The following ECHS1 variants were observed in gnomAD, a reference collection of about 807,000 sequenced individuals.
ECHS1 encodes the protein enoyl-CoA hydratase, short chain 1.
In ECHS1, 19 loss-of-function variants were observed where a neutral mutation model predicts 33.5. The observed-to-expected ratio is 0.57, with a 90% CI of 0.40 to 0.83. The LOEUF is 0.83. Ranked by LOEUF, ECHS1 falls within the 40% of genes least tolerant of loss-of-function variation. The probability of loss-of-function intolerance (pLI) is 0.00; values close to 1 mark genes in which losing one functional copy is unlikely to be tolerated. For missense variants in ECHS1, 365 were observed against 381.3 expected (o/e 0.96, Z 0.36); for synonymous variants, 158 against 146.6 (o/e 1.08, Z -0.56).
At chr10:133,369,077 A>T (rs543581011) in intron 3 of ECHS1, 55 bp from the exon 4 acceptor site, 1 of 1,538,032 alleles carries the variant, frequency 6.5e-7, no homozygotes, top group South Asian at 1.1e-5. Context: ...GTCAGAAATC[A>T]CTCTGCTTGC....
chr10:133,370,220 A>G (rs780522594), intron 2 of ECHS1, among the ~76,000 whole-genome samples, 189 bp from the exon 3 acceptor site: 9 of 152,260 alleles, frequency 5.9e-5, no homozygotes, highest in Non-Finnish European at 1.2e-4. Flanking sequence ...GAAGTCACGC[A>G]GAGGGGCCCT....
rs1849125450 is a variant in ECHS1, at chr10:133,372,724, G to A, written c.88+522C>T. On this transcript the variant is annotated intron_variant, in intron 1 of 7. Coordinates refer to ENST00000368547, the MANE Select transcript of ECHS1 (RefSeq NM_004092.4). Reference sequence around the variant, plus strand: ...AGGGTCAGGTGGGTGGTGTCGGTGCGGGGTGGCGGGTGGTGGGGGGGTGTT... The same window carrying A: ...AGGGTCAGGTGGGTGGTGTCGGTGCAGGGTGGCGGGTGGTGGGGGGGTGTT... Among the ~76,000 whole-genome samples, 4 of 145,376 alleles carry A rather than the reference G, an allele frequency of 2.8e-5. No individual in the cohort carries two copies. The South Asian group carries it at 9.1e-4, about 33-fold the overall frequency.
intron 6 of ECHS1, among the ~76,000 whole-genome samples, chr10:133,364,961 C>CAAGA (rs1304629789): frequency 1.3e-5 from 2 of 152,162 alleles, no homozygotes; most frequent in African/African-American, 4.8e-5. Context: ...CCCACGGCCC[C>CAAGA]AAGAAGGGAG....
At chr10:133,370,889 C>T (rs1477703226) in intron 1 of ECHS1, 132 bp from the exon 2 acceptor site, 15 of 775,788 alleles carry the variant, frequency 1.9e-5, no homozygotes, top group African/African-American at 3.5e-5. Context: ...CCTGCCGAGT[C>T]CTCAGTGGCT....
rs760615933 is a variant in ECHS1 at position 133,366,112 on chromosome 10, T to C, written c.620-17A>G. On this transcript the variant is annotated splice_polypyrimidine_tract_variant and intron_variant, in intron 5 of 7. Transcript: ENST00000368547. ...TGACAAGACCTGAAACACAAGAAAG[T>C]CAGTGAGTGATGTGCAGAAACAGCA... The C allele has an allele frequency of 6.2e-7, 1 of 1,611,468 alleles. No individual in the cohort carries two copies. Among genetic ancestry groups the C allele is most frequent in the South Asian group, 1.1e-5 (1 of 91,002 alleles).
rs980941417 is a variant in ECHS1 at position 133,368,960 on chromosome 10, C to G, written c.477G>C (p.Gln159His). The G allele has an allele frequency of 6.2e-7, 1 of 1,613,666 alleles. No homozygotes were observed. Among genetic ancestry groups the G allele is most frequent in the African/African-American group, 1.3e-5 (1 of 74,920 alleles). The change falls in exon 4 of 8, where the codon CAG (glutamine) becomes CAC (histidine). Residue 159 changes from glutamine (Q) to histidine (H), a missense_variant. Gln to His is a conservative substitution (Grantham distance 24). Transcript: ENST00000368547. ...CDIIYAGEKAQFAQPEILIGT... is the reference protein window; with the variant it reads ...CDIIYAGEKAHFAQPEILIGT... ...CTATTAAGATCTCCGGCTGTGCAAA[C>G]TGGGCCTTCTCACCGGCATAGATGA...
At position 133,370,537 on chromosome 10, in the gene ECHS1, A is replaced by G; in HGVS notation, c.286+23T>C. On this transcript the variant is annotated intron_variant, in intron 2 of 7. Coordinates refer to ENST00000368547, the MANE Select transcript of ECHS1 (RefSeq NM_004092.4). The stretch of plus-strand genomic sequence containing the variant: ...TGCCTCCCACATCTGCCCAGACACA[A>G]AGGCCTCTGCTGCCGCGCGTACCTG... The G allele has an allele frequency of 2.0e-6, 3 of 1,498,718 alleles. No homozygotes were observed. In the South Asian group the frequency reaches 4.0e-5, roughly 20 times the overall value. The allele number at this position is 1,498,718 out of a possible 1,614,324, so 92.8% of individuals were successfully genotyped here.
chr10:133,370,012 T>C lies in ECHS1; in HGVS notation c.306A>G (p.Glu102=). The change falls in exon 3 of 8, where the codon GAA becomes GAG. Residue 102 remains glutamate, a synonymous_variant. Transcript: ENST00000368547. ...KAFAAGADIK[E]MQNLSFQDCY... The stretch of plus-strand genomic sequence containing the variant: ...AGTCCTGGAAACTCAGGTTCTGCAT[T>C]TCCTTGATATCAGCTCCAGCTAGCA... 1 of 1,613,846 alleles carries C rather than the reference T, an allele frequency of 6.2e-7. No individual in the cohort carries two copies. Among genetic ancestry groups the C allele is most frequent in the Admixed American group, 1.7e-5 (1 of 60,016 alleles).
At chr10:133,365,167 A>AG (rs1849012589) in intron 6 of ECHS1, among the ~76,000 whole-genome samples, 1 of 152,250 alleles carries the variant, frequency 6.6e-6, no homozygotes, top group South Asian at 2.1e-4. Flanking sequence ...GCACGAGGCC[A>AG]AGCAGAGCAG....
intron 5 of ECHS1, 89 bp downstream of exon 5, chr10:133,366,800 G>A (rs760246127): frequency 8.7e-5 from 89 of 1,017,722 alleles, no homozygotes; most frequent in Non-Finnish European, 1.2e-4. Flanking sequence ...GGGCTCCCCC[G>A]AGGGGGACAC....
chr10:133,373,303 C>T lies in ECHS1; in HGVS notation c.31G>A (p.Val11Ile), dbSNP rs1259157893. ...ACCGGGGGCCTCAGCGGGCCGCGGACGCAGGACAGCAGGACACGCAGGGCG... is the reference window on the plus strand; with the variant it reads ...ACCGGGGGCCTCAGCGGGCCGCGGATGCAGGACAGCAGGACACGCAGGGCG... Reference protein sequence around the residue: MAALRVLLSCVRGPLRPPVRC... With the variant: MAALRVLLSCIRGPLRPPVRC... Residue 11 changes from valine to isoleucine, a missense_variant, in exon 1 of 8, where the codon GTC (valine) becomes ATC (isoleucine). Transcript: ENST00000368547. 1 of 1,493,672 alleles carries T rather than the reference C, an allele frequency of 6.7e-7. No homozygotes were observed. The highest frequency in any genetic ancestry group is 1.3e-5 in the South Asian group (1 of 79,984). The allele number at this position is 1,493,672 out of a possible 1,614,324, so 92.5% of individuals were successfully genotyped here.
In ECHS1 at chr10:133,366,001, C is replaced by A. The variant is rs1324198051; in HGVS notation, c.714G>T (p.Ala238=). The A allele has an allele frequency of 1.9e-6, 3 of 1,613,984 alleles. No homozygotes were observed. Among genetic ancestry groups the A allele is most frequent in the South Asian group, 2.2e-5 (2 of 91,082 alleles). The change falls in exon 6 of 8, where the codon GCG becomes GCT. Residue 238 remains alanine (A), a synonymous_variant. Coordinates refer to ENST00000368547, the MANE Select transcript of ECHS1 (RefSeq NM_004092.4). ...CTGCATTCACTGATTCTTTGGCCAT[C>A]GCTACTACAATTTTAGAATTGCTGG... is the stretch of plus-strand genomic sequence containing the variant. ...KIASNSKIVV[A]MAKESVNAAF...
chr10:133,365,284 C>T (rs937649481), intron 6 of ECHS1, among the ~76,000 whole-genome samples: 5 of 152,216 alleles, frequency 3.3e-5, no homozygotes, highest in East Asian at 3.9e-4. Context: ...CAGCAGCCTC[C>T]GTTCTTTCAA....
At chr10:133,367,606 C>G (rs1849050215) in intron 4 of ECHS1, among the ~76,000 whole-genome samples, 1 of 150,656 alleles carries the variant, frequency 6.6e-6, no homozygotes, top group African/African-American at 2.5e-5. Flanking sequence ...TCAGGGAACA[C>G]TGCTCCACCA....
At chr10:133,372,311 CAA>C (rs1369375257) in intron 1 of ECHS1, among the ~76,000 whole-genome samples, 1 of 152,160 alleles carries the variant, frequency 6.6e-6, no homozygotes, top group Non-Finnish European at 1.5e-5. Flanking sequence ...AGGCATGGCC[CAA>C]GATTCCTCAG....
At chr10:133,365,868 C>T in intron 6 of ECHS1, 108 bp downstream of exon 6, 2 of 1,391,726 alleles carry the variant, frequency 1.4e-6, no homozygotes, top group East Asian at 2.3e-5. Flanking sequence ...AGCATTTCTG[C>T]CCAGGAGGGC....
In ECHS1 at chr10:133,373,282, G is replaced by A; in HGVS notation, c.52C>T (p.Pro18Ser). 1.4e-6 allele frequency: 2 copies of A among 1,476,878 alleles called. No individual in the cohort carries two copies. Among genetic ancestry groups the A allele is most frequent in the East Asian group, 2.9e-5 (1 of 34,656 alleles). 91.5% of individuals were successfully genotyped at this position (1,476,878 alleles called of 1,614,324 possible). ...GGACGCCAGGCGGGACAGCGAACCG[G>A]GGGCCTCAGCGGGCCGCGGACGCAG... is the stretch of plus-strand genomic sequence containing the variant. ...LSCVRGPLRP[P>S]VRCPAWRPFA... Residue 18 changes from proline (P) to serine (S), a missense_variant, in exon 1 of 8, where the codon CCG becomes TCG. Coordinates refer to ENST00000368547, the MANE Select transcript of ECHS1 (RefSeq NM_004092.4).
intron 6 of ECHS1, 82 bp downstream of exon 6, chr10:133,365,894 T>C (rs1372898750): frequency 1.2e-5 from 18 of 1,546,716 alleles, no homozygotes; most frequent in Admixed American, 1.7e-5. Flanking sequence ...GCATATTCAT[T>C]TGGAGCCAGA....
intron 6 of ECHS1, 139 bp downstream of exon 6, chr10:133,365,836 CA>C: frequency 9.5e-7 from 1 of 1,051,496 alleles, no homozygotes; most frequent in South Asian, 1.5e-5. Flanking sequence ...ACTCTACAGA[CA>C]GCAGAACTGA....
Sources: gnomAD v4.1 joint callset for allele counts (sites outside exome capture counted in the v4.1 genomes callset) on GRCh38, gnomAD v4.1.1 for gene constraint, MANE v1.5 for transcripts, NCBI Gene and HGNC (gene_info 2026-07-23, HGNC 2026-07-21) for gene names.